Variants in SP4 observed in about 807,000 individuals in gnomAD.
SP4 encodes transcription factor Sp4.
Under a neutral mutation model 72.8 loss-of-function variants are expected in SP4, and 19 were observed. That is an observed-to-expected ratio of 0.26 (90% CI 0.18 to 0.38). The LOEUF is 0.38. SP4 is among the 10% of genes least tolerant of loss of function. The pLI, the probability that SP4 is intolerant of heterozygous loss-of-function variation, is 1.00. For missense variants in SP4, 1,008 were observed against 926.3 expected (o/e 1.09, Z -1.14); for synonymous variants, 395 against 333.1 (o/e 1.19, Z -2.02).
At chr7:21,466,419 C>T (rs983807659) in intron 3 of SP4, among the ~76,000 whole-genome samples, 3 of 152,142 alleles carry the variant, frequency 2.0e-5, no homozygotes, top group Admixed American at 6.6e-5. Context: ...TATGCTAAGA[C>T]GTGTGCTATA....
chr7:21,439,547 A>G (rs1783167974), intron 3 of SP4, among the ~76,000 whole-genome samples: 1 of 150,202 alleles, frequency 6.7e-6, no homozygotes, highest in Non-Finnish European at 1.5e-5. Context: ...GTCCTGCTGC[A>G]GTAGTCCCTT....
At chr7:21,438,287 G>T (rs1051608594) in intron 3 of SP4, among the ~76,000 whole-genome samples, 3 of 151,946 alleles carry the variant, frequency 2.0e-5, no homozygotes, top group African/African-American at 7.3e-5. Context: ...ATTTTATTTC[G>T]TTCTGGGTAC....
Position 21,514,544 on chromosome 7 carries a change from A to AAAT in SP4, c.*3275_*3276insAAT, listed in dbSNP as rs55762826. ...AAATTTTTTTTGTAAAAAAAAAAAA[A>AAAT]TGAAAAAAAAAGATGAATCCAGAAA... On this transcript the variant is annotated 3_prime_UTR_variant, in exon 6 of 6. Transcript: ENST00000222584. 3.3e-5 allele frequency: 5 copies of AAAT among 151,048 alleles called. No individual in the cohort carries two copies. The East Asian group carries it at 9.7e-4, about 29-fold the overall frequency. 9.4% of individuals were successfully genotyped at this position (151,048 alleles called of 1,614,324 possible). A position where few individuals can be genotyped will look rare whatever the true frequency, so the allele number is the denominator to read the frequency against.
rs1225537037 is a variant in SP4 at position 21,430,339 on chromosome 7, T to A, written c.1174T>A (p.Ser392Thr). The A allele has an allele frequency of 6.2e-7, 1 of 1,614,116 alleles. No homozygotes were observed. ...GMQNAQDQSNSLQQVQIVGQP... is the reference protein window; with the variant it reads ...GMQNAQDQSNTLQQVQIVGQP... Reference sequence around the variant, plus strand: ...GCAGAATGCACAGGATCAATCAAATTCTCTTCAGCAGGTGCAAATTGTAGG... The same window carrying A: ...GCAGAATGCACAGGATCAATCAAATACTCTTCAGCAGGTGCAAATTGTAGG... The change falls in exon 3 of 6, where the codon TCT becomes ACT. Residue 392 changes from serine (S) to threonine (T), a missense_variant. This residue lies in a region of SP4 where 893 missense variants were observed against 743.3 expected (regional missense o/e 1.20). Transcript: ENST00000222584.
At chr7:21,470,748 G>GGA (rs776671181) in intron 3 of SP4, among the ~76,000 whole-genome samples, 1 of 93,852 alleles carries the variant, frequency 1.1e-5, no homozygotes, top group East Asian at 6.9e-4. Context: ...TTCTATATTT[G>GGA]GAAAAAAAAA....
At chr7:21,460,154 G>T (rs573342447) in intron 3 of SP4, among the ~76,000 whole-genome samples, 6 of 152,234 alleles carry the variant, frequency 3.9e-5, no homozygotes, top group African/African-American at 1.4e-4. Context: ...AGTGTGTCCG[G>T]AATTGGTGGG....
chr7:21,498,823 C>T (rs769095142), intron 5 of SP4, among the ~76,000 whole-genome samples: 11 of 152,126 alleles, frequency 7.2e-5, no homozygotes, highest in East Asian at 3.9e-4. Flanking sequence ...CGGTGGCTCA[C>T]GCCTGTAATC....
At chr7:21,465,405 T>G (rs1333903865) in intron 3 of SP4, among the ~76,000 whole-genome samples, 1 of 152,190 alleles carries the variant, frequency 6.6e-6, no homozygotes, top group Non-Finnish European at 1.5e-5. Context: ...GGATTCAGGC[T>G]GACCTAGGTT....
chr7:21,470,863 C>A (rs1402182981), intron 3 of SP4, among the ~76,000 whole-genome samples: 2 of 151,448 alleles, frequency 1.3e-5, no homozygotes, highest in South Asian at 4.1e-4. Flanking sequence ...AATAAAAGAA[C>A]GGCCATCCTC....
At chr7:21,467,182 C>T (rs1385004282) in intron 3 of SP4, among the ~76,000 whole-genome samples, 1 of 151,902 alleles carries the variant, frequency 6.6e-6, no homozygotes. Context: ...CACTATATAC[C>T]AGTAATCTCA....
chr7:21,430,294 C>G lies in SP4; in HGVS notation c.1129C>G (p.Gln377Glu), dbSNP rs1188178089. The change falls in exon 3 of 6, where the codon CAG becomes GAG. Residue 377 changes from glutamine (Q) to glutamate (E), a missense_variant. Transcript: ENST00000222584. The part of the protein sequence containing the change: ...ATESEAQSSS[Q>E]LQPNGMQNAQ... The stretch of plus-strand genomic sequence containing the variant: ...TGAGTCTGAAGCCCAGAGCTCCAGT[C>G]AGCTTCAGCCTAATGGAATGCAGAA... The G allele has an allele frequency of 2.5e-6, 4 of 1,614,250 alleles. No homozygotes were observed. The South Asian group carries it at 4.4e-5, about 18-fold the overall frequency.
At chr7:21,497,901 T>C (rs753724139) in intron 5 of SP4, among the ~76,000 whole-genome samples, 2 of 152,238 alleles carry the variant, frequency 1.3e-5, no homozygotes, top group Admixed American at 1.3e-4. Context: ...TATAAATTCA[T>C]GGTCTCAAAT....
chr7:21,484,015 T>G (rs1230228185), intron 5 of SP4, among the ~76,000 whole-genome samples: 1 of 151,866 alleles, frequency 6.6e-6, no homozygotes, highest in African/African-American at 2.4e-5. Context: ...ATTACTTCAT[T>G]TGATTCTAAC....
intron 3 of SP4, among the ~76,000 whole-genome samples, chr7:21,452,714 T>G (rs935012600): frequency 6.6e-6 from 1 of 152,190 alleles, no homozygotes; most frequent in Non-Finnish European, 1.5e-5. Flanking sequence ...ACAAGTAGTT[T>G]CCAAATTCTG....
At chr7:21,477,044 A>C in intron 3 of SP4, 35 bp from the exon 4 acceptor site, 1 of 1,523,062 alleles carries the variant, frequency 6.6e-7, no homozygotes, top group African/African-American at 1.4e-5. Context: ...GGTGTAGAAA[A>C]CATTACAATA....
At chr7:21,510,036 C>G (rs1782103188) in intron 5 of SP4, among the ~76,000 whole-genome samples, 1 of 152,120 alleles carries the variant, frequency 6.6e-6, no homozygotes, top group Non-Finnish European at 1.5e-5. Context: ...ACTATCGTAT[C>G]TTGTGAGGCT....
At chr7:21,465,061 A>G (rs1441763806) in intron 3 of SP4, among the ~76,000 whole-genome samples, 1 of 152,220 alleles carries the variant, frequency 6.6e-6, no homozygotes, top group Admixed American at 6.5e-5. Flanking sequence ...ATATCTTTCT[A>G]GGGTTTTCCG....
chr7:21,497,352 A>G (rs1583444345), intron 5 of SP4, among the ~76,000 whole-genome samples: 1 of 152,218 alleles, frequency 6.6e-6, no homozygotes, highest in South Asian at 2.1e-4. Flanking sequence ...AGAGGTGGGG[A>G]GTGGAAAATG....
chr7:21,460,995 A>G (rs61244299), intron 3 of SP4, among the ~76,000 whole-genome samples: 15,467 of 152,074 alleles, frequency 0.1, 1,625 homozygotes, highest in East Asian at 0.36. Flanking sequence ...CCAAACCTTG[A>G]GCTAGACACA....
Sources: allele counts gnomAD v4.1 joint callset (sites outside exome capture counted in the v4.1 genomes callset), GRCh38; gene constraint gnomAD v4.1.1; regional missense constraint gnomAD v4.1.1; transcripts MANE v1.5; gene names NCBI Gene and HGNC (gene_info 2026-07-23, HGNC 2026-07-21).